Variants in PTPRD observed in about 807,000 individuals in gnomAD.
PTPRD encodes receptor-type tyrosine-protein phosphatase delta.
PTPRD carries 34 observed loss-of-function variants against 214.5 expected under a neutral mutation model. The observed-to-expected ratio is 0.16, with a 90% CI of 0.12 to 0.21. The LOEUF is 0.21. PTPRD is among the 10% of genes least tolerant of loss of function. PTPRD has a pLI of 1.00. For synonymous variants in PTPRD, 1,128 were observed against 845.7 expected, an observed-to-expected ratio of 1.33 and a Z score of -5.79; for missense variants, 2,545 against 2,398.7, an observed-to-expected ratio of 1.06 and a Z score of -1.27.
At chr9:10,079,455 G>C (rs944925612) in intron 3 of PTPRD, among the ~76,000 whole-genome samples, 1 of 152,078 alleles carries the variant, frequency 6.6e-6, no homozygotes, top group Non-Finnish European at 1.5e-5. Context: ...CCCCTCCCCT[G>C]AAGCATCCAG....
chr9:8,697,980 A>C (rs1202474035), intron 12 of PTPRD, among the ~76,000 whole-genome samples: 1 of 152,176 alleles, frequency 6.6e-6, no homozygotes, highest in East Asian at 1.9e-4. Context: ...TAAACTTCTG[A>C]GGTCATGGAA....
chr9:8,470,966 A>G (rs2096642546), intron 31 of PTPRD, 29 bp downstream of exon 31: 1 of 1,584,008 alleles, frequency 6.3e-7, no homozygotes. Context: ...ATAACGAATA[A>G]AAGACATGGC....
At chr9:8,709,859 A>G (rs765427258) in intron 12 of PTPRD, among the ~76,000 whole-genome samples, 1 of 152,208 alleles carries the variant, frequency 6.6e-6, no homozygotes, top group Non-Finnish European at 1.5e-5. Context: ...GGCATCTTTA[A>G]GTGCAATAAA....
chr9:8,863,291 A>G (rs1230666623), intron 11 of PTPRD, among the ~76,000 whole-genome samples: 1 of 152,180 alleles, frequency 6.6e-6, no homozygotes, highest in Non-Finnish European at 1.5e-5. Flanking sequence ...TGCGACTGTG[A>G]CAAATGGATA....
At chr9:10,253,341 A>T (rs1468244299) in intron 3 of PTPRD, among the ~76,000 whole-genome samples, 2 of 152,144 alleles carry the variant, frequency 1.3e-5, no homozygotes, top group Non-Finnish European at 2.9e-5. Context: ...TAGTACCAGC[A>T]ATTTTATGCT....
At chr9:8,506,529 A>T (rs2097545812) in intron 22 of PTPRD, among the ~76,000 whole-genome samples, 1 of 152,212 alleles carries the variant, frequency 6.6e-6, no homozygotes. Context: ...CTCAAATCCC[A>T]GCTCTGCCAT....
chr9:9,641,008 A>G (rs2095925817), intron 7 of PTPRD, among the ~76,000 whole-genome samples: 1 of 117,224 alleles, frequency 8.5e-6, no homozygotes. Context: ...GATACCTCAT[A>G]TTGGCAATGC....
At chr9:8,468,798 GAAAAAAA>G (rs35027583) in intron 31 of PTPRD, among the ~76,000 whole-genome samples, 1 of 123,538 alleles carries the variant, frequency 8.1e-6, no homozygotes, top group African/African-American at 3.1e-5. Context: ...ATCCATGGTA[GAAAAAAA>G]AAAAAAAAAA....
At chr9:8,361,303 T>G (rs910089278) in intron 39 of PTPRD, among the ~76,000 whole-genome samples, 1 of 152,196 alleles carries the variant, frequency 6.6e-6, no homozygotes, top group African/African-American at 2.4e-5. Context: ...GAGGCTTTGA[T>G]GAACTGAGCC....
intron 5 of PTPRD, among the ~76,000 whole-genome samples, chr9:9,776,352 T>C (rs1231937317): frequency 6.6e-6 from 1 of 152,178 alleles, no homozygotes; most frequent in Non-Finnish European, 1.5e-5. Flanking sequence ...ATTCCTCTTA[T>C]ATCTCTTGAA....
At chr9:9,294,500 G>C (rs1952321022) in intron 9 of PTPRD, among the ~76,000 whole-genome samples, 2 of 151,658 alleles carry the variant, frequency 1.3e-5, no homozygotes, top group African/African-American at 4.8e-5. Context: ...AGGCTGCTAA[G>C]AAAATAAAGT....
chr9:10,536,982 C>T (rs188051411), intron 2 of PTPRD, among the ~76,000 whole-genome samples: 23 of 152,234 alleles, frequency 1.5e-4, no homozygotes, highest in Admixed American at 1.3e-3. Flanking sequence ...CTTCAAAGCT[C>T]CTTTTCCTTC....
intron 9 of PTPRD, among the ~76,000 whole-genome samples, chr9:9,246,515 C>T (rs955215073): frequency 1.3e-5 from 2 of 152,108 alleles, no homozygotes. Context: ...ACAGAAAATG[C>T]ATCAAGCTCA....
chr9:8,786,379 C>CA (rs1439395988), intron 11 of PTPRD, among the ~76,000 whole-genome samples: 1 of 127,946 alleles, frequency 7.8e-6, no homozygotes, highest in East Asian at 2.3e-4. Flanking sequence ...TCCAGGCAGA[C>CA]AAAAAAGGAA....
At chr9:8,948,777 C>G (rs1486770961) in intron 11 of PTPRD, among the ~76,000 whole-genome samples, 1 of 150,056 alleles carries the variant, frequency 6.7e-6, no homozygotes, top group East Asian at 2.0e-4. Context: ...GAGTGAGTGA[C>G]TCAAGAAACA....
chr9:8,331,501 C>G (rs1208335268), intron 44 of PTPRD, 81 bp downstream of exon 44: 2 of 1,495,636 alleles, frequency 1.3e-6, no homozygotes, highest in Non-Finnish European at 1.8e-6. Flanking sequence ...TTCAAATAAG[C>G]AAACTTACTA....
chr9:9,134,848 T>C (rs80200016), intron 10 of PTPRD, among the ~76,000 whole-genome samples: 2,559 of 151,906 alleles, frequency 0.017, 47 homozygotes, highest in East Asian at 0.067. Flanking sequence ...TCCCAGCCCT[T>C]AAAACACTGC....
chr9:8,853,114 G>A (rs1487609967), intron 11 of PTPRD, among the ~76,000 whole-genome samples: 1 of 152,180 alleles, frequency 6.6e-6, no homozygotes, highest in Non-Finnish European at 1.5e-5. Context: ...GGGGAAATGA[G>A]AGACACAGGT....
At chr9:10,499,563 T>C (rs893047480) in intron 2 of PTPRD, among the ~76,000 whole-genome samples, 1 of 151,928 alleles carries the variant, frequency 6.6e-6, no homozygotes, top group East Asian at 1.9e-4. Context: ...TTTTTAAATG[T>C]GTGTGATTAA....
Sources: allele counts gnomAD v4.1 joint callset (sites outside exome capture counted in the v4.1 genomes callset), GRCh38; gene constraint gnomAD v4.1.1; transcripts MANE v1.5; gene names NCBI Gene and HGNC (gene_info 2026-07-23, HGNC 2026-07-21).